The following RALYL variants were observed in gnomAD, a reference collection of about 807,000 sequenced individuals.
RALYL encodes RNA-binding Raly-like protein.
RALYL carries 29 observed loss-of-function variants against 35.1 expected under a neutral mutation model. The observed-to-expected ratio is 0.83, with a 90% CI of 0.61 to 1.13. The LOEUF is 1.13. Ranked by LOEUF, RALYL falls within the 50% of genes most tolerant of loss-of-function variation. The probability of loss-of-function intolerance (pLI) is 0.00; values close to 1 mark genes in which losing one functional copy is unlikely to be tolerated. For missense variants in RALYL, 359 were observed against 360.4 expected, an observed-to-expected ratio of 1.00 and a Z score of 0.03; for synonymous variants, 120 against 127.6, an observed-to-expected ratio of 0.94 and a Z score of 0.40.
chr8:84,371,436 T>C (rs895011825), intron 1 of RALYL, among the ~76,000 whole-genome samples: 17 of 152,008 alleles, frequency 1.1e-4, no homozygotes, highest in African/African-American at 3.4e-4. Context: ...TATTTCTGCA[T>C]TGAATTCCTT....
intron 4 of RALYL, among the ~76,000 whole-genome samples, chr8:84,837,871 C>A (rs1053473492): frequency 6.6e-6 from 1 of 152,084 alleles, no homozygotes; most frequent in African/African-American, 2.4e-5. Context: ...AGGTCAAATA[C>A]CTGCCATAAG....
intron 6 of RALYL, among the ~76,000 whole-genome samples, chr8:84,871,097 T>C (rs1271284466): frequency 6.6e-6 from 1 of 152,188 alleles, no homozygotes; most frequent in Non-Finnish European, 1.5e-5. Context: ...AGGATTTCCG[T>C]GTTACATTTC....
intron 2 of RALYL, among the ~76,000 whole-genome samples, chr8:84,739,456 A>G (rs1298082380): frequency 6.6e-6 from 1 of 151,958 alleles, no homozygotes; most frequent in Non-Finnish European, 1.5e-5. Context: ...TAGGAAAGAT[A>G]TGAATTAGAA....
chr8:84,849,470 C>T (rs1835357032), intron 4 of RALYL, among the ~76,000 whole-genome samples: 1 of 152,102 alleles, frequency 6.6e-6, no homozygotes, highest in African/African-American at 2.4e-5. Flanking sequence ...AATTATATTA[C>T]CTCAGAGAGA....
intron 1 of RALYL, among the ~76,000 whole-genome samples, chr8:84,188,655 A>G (rs1813123435): frequency 6.6e-6 from 1 of 152,160 alleles, no homozygotes; most frequent in Non-Finnish European, 1.5e-5. Context: ...GAATGTATCA[A>G]TAGCAAGTTA....
chr8:84,859,844 CAA>C (rs1219868886), intron 5 of RALYL, among the ~76,000 whole-genome samples: 1 of 151,210 alleles, frequency 6.6e-6, no homozygotes, highest in Admixed American at 6.6e-5. Flanking sequence ...CACTCTGTCT[CAA>C]AAAAACAAGA....
intron 1 of RALYL, among the ~76,000 whole-genome samples, chr8:84,300,177 C>T (rs927001659): frequency 6.6e-5 from 10 of 151,832 alleles, no homozygotes; most frequent in Non-Finnish European, 1.0e-4. Flanking sequence ...TTGATTTCTG[C>T]CTTAATTTTA....
At chr8:84,572,696 G>A (rs940417934) in intron 2 of RALYL, among the ~76,000 whole-genome samples, 2 of 151,710 alleles carry the variant, frequency 1.3e-5, no homozygotes, top group South Asian at 2.1e-4. Flanking sequence ...TTTGATGCAC[G>A]TTAGAATACG....
chr8:84,775,335 G>A (rs1206977304), intron 3 of RALYL, among the ~76,000 whole-genome samples: 1 of 152,124 alleles, frequency 6.6e-6, no homozygotes, highest in African/African-American at 2.4e-5. Flanking sequence ...CAAGACTCTT[G>A]CAATGTAGAT....
intron 3 of RALYL, among the ~76,000 whole-genome samples, chr8:84,779,108 C>A (rs1817516655): frequency 6.6e-6 from 1 of 152,130 alleles, no homozygotes; most frequent in Non-Finnish European, 1.5e-5. Flanking sequence ...AATAGCTAAT[C>A]CATTCTCTAG....
chr8:84,465,265 A>T (rs1277940812), intron 1 of RALYL, among the ~76,000 whole-genome samples: 4 of 121,206 alleles, frequency 3.3e-5, no homozygotes, highest in African/African-American at 1.3e-4. Flanking sequence ...TAGGGTTTTT[A>T]TGGTTTTAGG....
At chr8:84,419,061 A>T (rs1216511580) in intron 1 of RALYL, among the ~76,000 whole-genome samples, 1 of 152,154 alleles carries the variant, frequency 6.6e-6, no homozygotes, top group Non-Finnish European at 1.5e-5. Flanking sequence ...CCAACTCCGT[A>T]TGTAAAAAAG....
chr8:84,594,678 C>A (rs112320658), intron 2 of RALYL, among the ~76,000 whole-genome samples: 1 of 151,934 alleles, frequency 6.6e-6, no homozygotes, highest in African/African-American at 2.4e-5. Context: ...TAAAACTGAA[C>A]GTACTTGTGG....
intron 2 of RALYL, among the ~76,000 whole-genome samples, chr8:84,621,482 C>T (rs775283158): frequency 2.6e-5 from 4 of 152,274 alleles, no homozygotes; most frequent in Non-Finnish European, 4.4e-5. Flanking sequence ...ACCCACTGAC[C>T]TGCGCCCACT....
At chr8:84,535,079 A>G (rs573257416) in intron 2 of RALYL, among the ~76,000 whole-genome samples, 2 of 152,268 alleles carry the variant, frequency 1.3e-5, no homozygotes, top group East Asian at 3.9e-4. Flanking sequence ...GGATATTTGC[A>G]TGGCACTTCA....
At chr8:84,729,421 G>A (rs995811925) in intron 2 of RALYL, among the ~76,000 whole-genome samples, 1 of 151,752 alleles carries the variant, frequency 6.6e-6, no homozygotes, top group East Asian at 1.9e-4. Flanking sequence ...AATGCCCACA[G>A]GAGAAAGCAG....
intron 8 of RALYL, among the ~76,000 whole-genome samples, chr8:84,891,795 T>A (rs1252717289): frequency 6.6e-6 from 1 of 152,196 alleles, no homozygotes; most frequent in African/African-American, 2.4e-5. Flanking sequence ...TCCAGGCTAC[T>A]GAACCAAACC....
chr8:84,490,741 GT>G (rs1488313704), intron 1 of RALYL, among the ~76,000 whole-genome samples: 1 of 150,932 alleles, frequency 6.6e-6, no homozygotes, highest in Non-Finnish European at 1.5e-5. Context: ...ATACTTTTAA[GT>G]TTTTGATTGA....
At chr8:84,300,276 T>C (rs1478911440) in intron 1 of RALYL, among the ~76,000 whole-genome samples, 2 of 151,978 alleles carry the variant, frequency 1.3e-5, no homozygotes, top group Non-Finnish European at 2.9e-5. Flanking sequence ...CTGACTTCTA[T>C]TTTTGTTGCA....
Sources: gnomAD v4.1 joint callset for allele counts (sites outside exome capture counted in the v4.1 genomes callset) on GRCh38, gnomAD v4.1.1 for gene constraint, MANE v1.5 for transcripts, NCBI Gene and HGNC (gene_info 2026-07-23, HGNC 2026-07-21) for gene names.